The following NFASC variants were observed in gnomAD, a reference collection of about 807,000 sequenced individuals.
The protein encoded by NFASC is neurofascin homolog.
Under a neutral mutation model 147.5 loss-of-function variants are expected in NFASC, and 43 were observed. That is an observed-to-expected ratio of 0.29 (90% confidence interval 0.23 to 0.38). The LOEUF (loss-of-function observed/expected upper bound fraction) is 0.38. NFASC is among the 10% of genes least tolerant of loss of function. The pLI, the probability that NFASC is intolerant of heterozygous loss-of-function variation, is 1.00. For missense variants in NFASC, 1,320 were observed against 1,689.0 expected, an observed-to-expected ratio of 0.78 and a Z score of 3.83; for synonymous variants, 622 against 665.5, an observed-to-expected ratio of 0.93 and a Z score of 1.01.
chr1:204,999,760 A>G (rs1355200267), intron 25 of NFASC: 2 of 152,206 alleles, frequency 1.3e-5, no homozygotes, highest in African/African-American at 4.8e-5. Flanking sequence ...GAGATCTTTT[A>G]TCACTTCCCC....
chr1:204,842,709 C>G (rs748014297), intron 1 of NFASC, among the ~76,000 whole-genome samples: 2 of 152,216 alleles, frequency 1.3e-5, no homozygotes, highest in Non-Finnish European at 2.9e-5. Flanking sequence ...ACAACCTGTC[C>G]TTTTATTTTA....
rs1168570377 is a variant in NFASC, at chr1:205,017,521, G to A, written c.*982G>A. On this transcript the variant is annotated 3_prime_UTR_variant, in exon 30 of 30. Coordinates refer to ENST00000339876, the MANE Select transcript of NFASC (RefSeq NM_001005388.3). ...CCTCCTCACTGGTGAAACCCAGGATGTAGATAGAGGGCCACACCCACCCTG... is the reference window on the plus strand; with the variant it reads ...CCTCCTCACTGGTGAAACCCAGGATATAGATAGAGGGCCACACCCACCCTG... 6.5e-6 allele frequency: 1 copy of A among 152,764 alleles called. No homozygotes were observed. The highest frequency in any genetic ancestry group is 1.9e-4 in the East Asian group (1 of 5,208). 9.5% of individuals were successfully genotyped at this position (152,764 alleles called of 1,614,324 possible).
At chr1:204,883,846 T>C (rs1417350834) in intron 1 of NFASC, among the ~76,000 whole-genome samples, 1 of 152,200 alleles carries the variant, frequency 6.6e-6, no homozygotes, top group East Asian at 1.9e-4. Flanking sequence ...ACCTCCATGC[T>C]GCAGGGATGA....
intron 1 of NFASC, among the ~76,000 whole-genome samples, chr1:204,917,648 T>C (rs1049861000): frequency 2.2e-4 from 34 of 152,236 alleles, no homozygotes; most frequent in Non-Finnish European, 4.4e-4. Flanking sequence ...ATTATCTTTA[T>C]TGATGCTCAG....
chr1:204,939,992 G>T (rs2149728674), intron 2 of NFASC, among the ~76,000 whole-genome samples: 1 of 152,344 alleles, frequency 6.6e-6, no homozygotes, highest in Middle Eastern at 3.4e-3. Flanking sequence ...CAAACCATGT[G>T]CCTGCCTTCC....
intron 2 of NFASC, among the ~76,000 whole-genome samples, 181 bp downstream of exon 2, chr1:204,920,921 T>A (rs1206405082): frequency 1.3e-5 from 2 of 152,190 alleles, no homozygotes; most frequent in African/African-American, 4.8e-5. Flanking sequence ...CAGAACTGCA[T>A]GCCAAAGTTC....
chr1:204,870,562 A>C, intron 1 of NFASC: 1 of 565,894 alleles, frequency 1.8e-6, no homozygotes, highest in Non-Finnish European at 2.3e-6. Flanking sequence ...CGCCTTGGGG[A>C]GCCTGGCCCG....
At chr1:204,907,931 A>T (rs1037776125) in intron 1 of NFASC, among the ~76,000 whole-genome samples, 1 of 140,032 alleles carries the variant, frequency 7.1e-6, no homozygotes, top group African/African-American at 2.8e-5. Context: ...ATACTAACAC[A>T]TAATGAGAAT....
chr1:204,882,448 C>T (rs1047885927), intron 1 of NFASC, among the ~76,000 whole-genome samples: 5 of 152,140 alleles, frequency 3.3e-5, no homozygotes, highest in African/African-American at 2.4e-5. Context: ...CCTCCCAGTT[C>T]GCTCCTTTAT....
rs1674647971 is a variant in NFASC at position 204,839,391 on chromosome 1, AC to A, written c.-200+10610del. On this transcript the variant is annotated intron_variant, in intron 1 of 29. Coordinates refer to ENST00000339876, the MANE Select transcript of NFASC (RefSeq NM_001005388.3). ...GAAACACACACACACACACACACAC[AC>A]ACACACACACACACACACACACACA... Among the ~76,000 whole-genome samples the A allele has an allele frequency of 3.3e-5, 5 of 149,502 alleles. No individual in the cohort carries two copies. In the South Asian group the frequency reaches 8.4e-4, roughly 25 times the overall value.
intron 2 of NFASC, among the ~76,000 whole-genome samples, chr1:204,924,723 G>T (rs554475376): frequency 1.3e-5 from 2 of 152,328 alleles, no homozygotes; most frequent in African/African-American, 4.8e-5. Flanking sequence ...CTTAGGTATA[G>T]AGCTAGGGTA....
chr1:204,944,091 T>G, intron 2 of NFASC, 135 bp from the exon 3 acceptor site: 1 of 751,910 alleles, frequency 1.3e-6, no homozygotes, highest in Non-Finnish European at 2.2e-6. Context: ...AGTGTTGAGG[T>G]TAAGAAACTC....
chr1:204,924,042 A>T (rs1573088805), intron 2 of NFASC, among the ~76,000 whole-genome samples: 1 of 152,158 alleles, frequency 6.6e-6, no homozygotes, highest in African/African-American at 2.4e-5. Flanking sequence ...TTTCCTCCAC[A>T]CCACTGGAGC....
chr1:204,880,980 G>A (rs1378748061), intron 1 of NFASC, among the ~76,000 whole-genome samples: 2 of 152,218 alleles, frequency 1.3e-5, no homozygotes, highest in African/African-American at 4.8e-5. Flanking sequence ...TCTCTTTTCA[G>A]AATAAGCGAA....
intron 1 of NFASC, among the ~76,000 whole-genome samples, chr1:204,886,171 C>T (rs553418171): frequency 4.1e-4 from 62 of 152,164 alleles, no homozygotes; most frequent in Non-Finnish European, 7.3e-4. Flanking sequence ...CGTTCAGCTT[C>T]TAAACTGACT....
chr1:205,009,548 C>G lies in NFASC; in HGVS notation c.3290-9C>G, dbSNP rs193298144. 2 of 1,613,888 alleles carry G rather than the reference C, an allele frequency of 1.2e-6. No individual in the cohort carries two copies. Reference sequence around the variant, plus strand: ...CATTCACGGGTTTGCTTCCGGCCCTCCCCGCCAGCTTACACCAACAACCAA... The same window carrying G: ...CATTCACGGGTTTGCTTCCGGCCCTGCCCGCCAGCTTACACCAACAACCAA... On this transcript the variant is annotated splice_polypyrimidine_tract_variant and intron_variant, in intron 27 of 29. Transcript: ENST00000339876.
intron 27 of NFASC, among the ~76,000 whole-genome samples, chr1:205,005,663 C>T (rs1394147283): frequency 1.3e-5 from 2 of 152,204 alleles, no homozygotes; most frequent in African/African-American, 2.4e-5. Context: ...GAGTCCAGGT[C>T]ATGGAGTCCC....
At chr1:204,916,874 C>T (rs1365177747) in intron 1 of NFASC, among the ~76,000 whole-genome samples, 3 of 152,036 alleles carry the variant, frequency 2.0e-5, no homozygotes, top group South Asian at 4.2e-4. Flanking sequence ...TGTCCAGCAT[C>T]ACATGGATTC....
rs1286273759 is a variant in NFASC, at chr1:205,020,216, CAT to C, written c.*3679_*3680del. ...GCCCTGCAAGGTGCAACTGAGCCCA[CAT>C]AGCGCATTCATAGTTTCCCTGACCA... On this transcript the variant is annotated 3_prime_UTR_variant, in exon 30 of 30. Coordinates refer to ENST00000339876, the MANE Select transcript of NFASC (RefSeq NM_001005388.3). 1 of 152,274 alleles carries C rather than the reference CAT, an allele frequency of 6.6e-6. No individual in the cohort carries two copies. Among genetic ancestry groups the C allele is most frequent in the Admixed American group, 6.5e-5 (1 of 15,280 alleles). The allele number at this position is 152,274 out of a possible 1,614,324, so 9.4% of individuals were successfully genotyped here.
Sources: allele counts gnomAD v4.1 joint callset (sites outside exome capture counted in the v4.1 genomes callset), GRCh38; gene constraint gnomAD v4.1.1; transcripts MANE v1.5; gene names NCBI Gene and HGNC (gene_info 2026-07-23, HGNC 2026-07-21).